Variants in GRM8 observed in about 807,000 individuals in gnomAD.
GRM8 encodes glutamate metabotropic receptor 8.
A neutral mutation model predicts 87.2 loss-of-function variants in GRM8; 47 were observed. That is an observed-to-expected ratio of 0.54 (90% CI 0.43 to 0.69). GRM8 has a LOEUF of 0.69. Ranked by LOEUF, GRM8 falls within the 30% of genes least tolerant of loss-of-function variation. The probability of loss-of-function intolerance (pLI) is 0.00; values close to 1 mark genes in which losing one functional copy is unlikely to be tolerated. For synonymous variants in GRM8, 396 were observed against 404.5 expected (o/e 0.98, Z 0.25); for missense variants, 1,019 against 1,139.2 (o/e 0.89, Z 1.52).
chr7:127,027,188 G>A (rs747195366), intron 3 of GRM8, among the ~76,000 whole-genome samples: 1 of 152,066 alleles, frequency 6.6e-6, no homozygotes, highest in Non-Finnish European at 1.5e-5. Context: ...TGTCCCATTG[G>A]TCTATATATC....
At chr7:126,741,686 G>T (rs1387812595) in intron 7 of GRM8, among the ~76,000 whole-genome samples, 1 of 152,088 alleles carries the variant, frequency 6.6e-6, no homozygotes, top group Non-Finnish European at 1.5e-5. Context: ...ATTTACGATA[G>T]TATAATAATA....
intron 3 of GRM8, among the ~76,000 whole-genome samples, chr7:127,011,910 T>C (rs1415291811): frequency 1.3e-5 from 2 of 152,148 alleles, no homozygotes; most frequent in Non-Finnish European, 2.9e-5. Flanking sequence ...CTTTGTACCT[T>C]CCACACCAAA....
intron 9 of GRM8, among the ~76,000 whole-genome samples, chr7:126,495,618 A>T (rs549230666): frequency 1.4e-4 from 22 of 152,078 alleles, no homozygotes; most frequent in African/African-American, 5.1e-4. Context: ...CTGAGTAACA[A>T]GTTTTAAATT....
chr7:127,040,024 G>A (rs1818259270), intron 3 of GRM8, among the ~76,000 whole-genome samples: 1 of 34,342 alleles, frequency 2.9e-5, no homozygotes, highest in Admixed American at 2.4e-4. Flanking sequence ...GGGAGGGTGA[G>A]GAGGGAGGGG....
intron 3 of GRM8, among the ~76,000 whole-genome samples, chr7:127,059,762 A>C (rs1461528563): frequency 6.6e-6 from 1 of 152,228 alleles, no homozygotes. Flanking sequence ...TTCTTGTAGG[A>C]GCATTTTCCA....
At chr7:127,160,882 C>T (rs991411585) in intron 2 of GRM8, among the ~76,000 whole-genome samples, 3 of 151,072 alleles carry the variant, frequency 2.0e-5, no homozygotes, top group African/African-American at 7.3e-5. Flanking sequence ...AGCTCTCTGG[C>T]TCCCAGCCTA....
intron 8 of GRM8, among the ~76,000 whole-genome samples, chr7:126,578,121 T>G (rs2151003709): frequency 6.6e-6 from 1 of 152,342 alleles, no homozygotes; most frequent in African/African-American, 2.4e-5. Flanking sequence ...ACTAGTCTTA[T>G]ATCCATATTT....
At chr7:127,038,723 C>A (rs2132370435) in intron 3 of GRM8, among the ~76,000 whole-genome samples, 1 of 152,162 alleles carries the variant, frequency 6.6e-6, no homozygotes, top group African/African-American at 2.4e-5. Context: ...AAATCTCCAC[C>A]AGTGAATGAC....
intron 7 of GRM8, among the ~76,000 whole-genome samples, chr7:126,752,594 AGTGTTTACTAGATGAT>A (rs1189834182): frequency 6.6e-6 from 1 of 152,122 alleles, no homozygotes; most frequent in Non-Finnish European, 1.5e-5. Context: ...GTTTCTACAA[AGTGTTTACTAGATGAT>A]GTGTCATTTT....
intron 6 of GRM8, among the ~76,000 whole-genome samples, chr7:126,847,177 C>T (rs553153148): frequency 6.6e-6 from 1 of 152,258 alleles, no homozygotes; most frequent in South Asian, 2.1e-4. Context: ...CTATGCAACA[C>T]AAGTAAGAGA....
intron 6 of GRM8, among the ~76,000 whole-genome samples, chr7:126,875,027 G>T (rs1242581381): frequency 6.6e-6 from 1 of 152,008 alleles, no homozygotes; most frequent in African/African-American, 2.4e-5. Context: ...TTATTAAAAT[G>T]TCCAGTGCCT....
chr7:126,525,688 T>C (rs1157315206), intron 9 of GRM8, among the ~76,000 whole-genome samples: 1 of 152,144 alleles, frequency 6.6e-6, no homozygotes, highest in Non-Finnish European at 1.5e-5. Context: ...TTTCTGAGAG[T>C]TTCTCAGTTT....
At chr7:126,455,367 C>A (rs999685063) in intron 9 of GRM8, among the ~76,000 whole-genome samples, 1 of 151,442 alleles carries the variant, frequency 6.6e-6, no homozygotes, top group Non-Finnish European at 1.5e-5. Context: ...AGTGAAAGAG[C>A]AGGATTAATG....
chr7:127,001,091 T>A (rs1381461071), intron 3 of GRM8, among the ~76,000 whole-genome samples: 1 of 151,640 alleles, frequency 6.6e-6, no homozygotes, highest in African/African-American at 2.4e-5. Flanking sequence ...GATCAATAGA[T>A]GACAGAATGT....
intron 6 of GRM8, among the ~76,000 whole-genome samples, chr7:126,803,231 G>C (rs1355909381): frequency 1.3e-5 from 2 of 152,116 alleles, no homozygotes; most frequent in Non-Finnish European, 2.9e-5. Flanking sequence ...TTGGAACCTT[G>C]TGTCTGAAGT....
intron 9 of GRM8, among the ~76,000 whole-genome samples, chr7:126,493,154 T>C (rs2150650616): frequency 1.3e-5 from 2 of 152,164 alleles, no homozygotes; most frequent in African/African-American, 4.8e-5. Context: ...CCTTTCCCTT[T>C]TTATGGTTAA....
chr7:126,537,278 A>C (rs522), intron 8 of GRM8, among the ~76,000 whole-genome samples: 3,189 of 151,914 alleles, frequency 0.021, 40 homozygotes, highest in Non-Finnish European at 0.033. Flanking sequence ...TTAAATATGC[A>C]TGCTAAATAT....
At position 126,882,757 on chromosome 7, in the gene GRM8, G is replaced by A. The variant is rs544538719; in HGVS notation, c.1156+19785C>T. Among the ~76,000 whole-genome samples, 228 of 150,704 alleles carry A rather than the reference G, an allele frequency of 1.5e-3. 2 individuals are homozygous for A. The highest frequency in any genetic ancestry group is 5.4e-3 in the African/African-American group (217 of 40,176). ...CTCTACAATAGGAGAGCCTCCTGAT[G>A]TTTGTTGTGGCCACATTTGGAGCCA... On this transcript the variant is annotated intron_variant, in intron 6 of 10. Transcript: ENST00000339582.
intron 7 of GRM8, among the ~76,000 whole-genome samples, chr7:126,746,111 A>AT (rs780402143): frequency 1.3e-5 from 2 of 151,902 alleles, no homozygotes; most frequent in African/African-American, 2.4e-5. Context: ...AAGTACATTC[A>AT]TTTTTTCAGC....
Sources: allele counts gnomAD v4.1 joint callset (sites outside exome capture counted in the v4.1 genomes callset), GRCh38; gene constraint gnomAD v4.1.1; transcripts MANE v1.5; gene names NCBI Gene and HGNC (gene_info 2026-07-23, HGNC 2026-07-21).